CSGALNACT1: variants seen among roughly 807,000 people sequenced by gnomAD.
CSGALNACT1 encodes chondroitin sulfate N-acetylgalactosaminyltransferase 1, also known as beta4GalNAcT-1.
In CSGALNACT1, 52 loss-of-function variants were observed where a neutral mutation model predicts 51.0. The observed-to-expected ratio is 1.02, with a 90% CI of 0.82 to 1.29. CSGALNACT1 has a LOEUF of 1.29. CSGALNACT1 is among the 50% of genes most tolerant of loss of function. The pLI, the probability that CSGALNACT1 is intolerant of heterozygous loss-of-function variation, is 0.00. For synonymous variants in CSGALNACT1, 341 were observed against 254.4 expected, an observed-to-expected ratio of 1.34 and a Z score of -3.24; for missense variants, 935 against 679.2, an observed-to-expected ratio of 1.38 and a Z score of -4.19.
At chr8:19,427,983 A>AT (rs2059040219) in intron 6 of CSGALNACT1, among the ~76,000 whole-genome samples, 1 of 152,026 alleles carries the variant, frequency 6.6e-6, no homozygotes, top group Non-Finnish European at 1.5e-5. Context: ...TAAGACACAT[A>AT]AAGAACCTGG....
chr8:19,631,544 T>C (rs1205173582), intron 1 of CSGALNACT1, among the ~76,000 whole-genome samples: 1 of 152,170 alleles, frequency 6.6e-6, no homozygotes, highest in Non-Finnish European at 1.5e-5. Flanking sequence ...ATTGGAGGGC[T>C]CCAGTGAGAA....
intron 4 of CSGALNACT1, among the ~76,000 whole-genome samples, chr8:19,461,737 G>C (rs371289595): frequency 3.8e-5 from 3 of 78,344 alleles, no homozygotes; most frequent in African/African-American, 7.1e-5. Context: ...GGGCGTATCC[G>C]CACAGCGGCC....
intron 6 of CSGALNACT1, among the ~76,000 whole-genome samples, chr8:19,435,432 G>T (rs866674501): frequency 5.1e-4 from 77 of 151,542 alleles, no homozygotes; most frequent in African/African-American, 1.7e-3. Context: ...GGTGGAGGTT[G>T]CAGGGAGCCG....
At chr8:19,629,102 C>G (rs183056910) in intron 1 of CSGALNACT1, among the ~76,000 whole-genome samples, 1 of 152,056 alleles carries the variant, frequency 6.6e-6, no homozygotes, top group Non-Finnish European at 1.5e-5. Flanking sequence ...ATTCAATCTA[C>G]GGGAAATCAA....
intron 3 of CSGALNACT1, among the ~76,000 whole-genome samples, chr8:19,549,984 C>A (rs954938936): frequency 2.0e-5 from 3 of 152,116 alleles, no homozygotes; most frequent in African/African-American, 7.2e-5. Flanking sequence ...GTTTTTAATT[C>A]AGACTTCAAT....
chr8:19,660,581 T>C (rs1444735832), intron 1 of CSGALNACT1, among the ~76,000 whole-genome samples: 13 of 152,180 alleles, frequency 8.5e-5, no homozygotes, highest in Non-Finnish European at 1.5e-4. Flanking sequence ...CTTCTGGTCC[T>C]GGTACATCTA....
At chr8:19,449,913 T>C (rs1485051651) in intron 5 of CSGALNACT1, among the ~76,000 whole-genome samples, 1 of 151,562 alleles carries the variant, frequency 6.6e-6, no homozygotes, top group African/African-American at 2.4e-5. Context: ...TATAGCTTTG[T>C]TATTATGAAG....
At chr8:19,647,139 C>T (rs1264968993) in intron 1 of CSGALNACT1, among the ~76,000 whole-genome samples, 1 of 152,152 alleles carries the variant, frequency 6.6e-6, no homozygotes, top group Non-Finnish European at 1.5e-5. Context: ...CTAGGGCCTT[C>T]CTATCAGGCT....
At chr8:19,428,875 GTA>G (rs59243606) in intron 6 of CSGALNACT1, among the ~76,000 whole-genome samples, 3 of 122,362 alleles carry the variant, frequency 2.5e-5, no homozygotes, top group African/African-American at 9.5e-5. Flanking sequence ...GTGTGTGTGT[GTA>G]TGCATGCTGT....
At chr8:19,713,005 A>G (rs1015259625) in intron 1 of CSGALNACT1, among the ~76,000 whole-genome samples, 4 of 152,158 alleles carry the variant, frequency 2.6e-5, no homozygotes, top group African/African-American at 9.7e-5. Flanking sequence ...TTTTCACAAA[A>G]CAGCCTGGAA....
intron 1 of CSGALNACT1, among the ~76,000 whole-genome samples, chr8:19,610,649 G>C (rs1447979003): frequency 2.6e-5 from 4 of 152,196 alleles, no homozygotes; most frequent in African/African-American, 9.6e-5. Flanking sequence ...TCCGAGGAAA[G>C]CCCAGGCCAC....
At chr8:19,736,386 AG>A (rs1261129153) in intron 1 of CSGALNACT1, among the ~76,000 whole-genome samples, 4 of 152,064 alleles carry the variant, frequency 2.6e-5, no homozygotes. Flanking sequence ...TTACAGAAAA[AG>A]TTTCTATAGG....
intron 1 of CSGALNACT1, among the ~76,000 whole-genome samples, chr8:19,624,533 C>T (rs540904138): frequency 5.3e-5 from 8 of 152,164 alleles, no homozygotes; most frequent in South Asian, 4.1e-4. Context: ...ACACATGCCC[C>T]CAAATCTCAG....
chr8:19,693,373 G>C (rs190789150), intron 1 of CSGALNACT1, among the ~76,000 whole-genome samples: 2 of 152,086 alleles, frequency 1.3e-5, no homozygotes, highest in Admixed American at 6.5e-5. Context: ...TCCTCTCTCT[G>C]TTCTACCAGC....
chr8:19,565,129 A>G (rs1234261615), intron 3 of CSGALNACT1, among the ~76,000 whole-genome samples: 3 of 152,264 alleles, frequency 2.0e-5, no homozygotes. Flanking sequence ...TACTGTATAT[A>G]GAGAGAACAG....
exon 4 of CSGALNACT1, chr8:19,505,342 G>A (rs759011152): frequency 2.1e-5 from 34 of 1,614,056 alleles, no homozygotes; most frequent in Non-Finnish European, 2.7e-5. Flanking sequence ...TCGGGGTGGC[G>A]GGTAAGGCCA....
At chr8:19,627,757 C>T (rs776274891) in intron 1 of CSGALNACT1, among the ~76,000 whole-genome samples, 1 of 152,108 alleles carries the variant, frequency 6.6e-6, no homozygotes, top group Non-Finnish European at 1.5e-5. Flanking sequence ...CCTAGGAGTT[C>T]GAGGCTGCAG....
intron 3 of CSGALNACT1, among the ~76,000 whole-genome samples, chr8:19,588,852 G>A (rs776860980): frequency 1.5e-4 from 23 of 152,064 alleles, no homozygotes; most frequent in Non-Finnish European, 2.2e-4. Context: ...CTCTTTTTAC[G>A]TCTCTGAGTC....
At chr8:19,682,749 C>G (rs150988763), upstream of CSGALNACT1, 565 of 454,054 alleles carry the variant, frequency 1.2e-3, 3 homozygotes, top group African/African-American at 1.0e-2. Context: ...GCTGCGGATC[C>G]CAGAACAAGC....
Sources: allele counts gnomAD v4.1 joint callset (sites outside exome capture counted in the v4.1 genomes callset), GRCh38; gene constraint gnomAD v4.1.1; transcripts MANE v1.5; gene names NCBI Gene and HGNC (gene_info 2026-07-23, HGNC 2026-07-21).